ANKRD16: variants seen among roughly 807,000 people sequenced by gnomAD.
The protein encoded by ANKRD16 is ankyrin repeat domain 16, also known as ankyrin repeat domain-containing protein 16.
In ANKRD16, 35 loss-of-function variants were observed where a neutral mutation model predicts 37.9. The observed-to-expected ratio is 0.92, with a 90% CI of 0.71 to 1.23. The LOEUF is 1.23. ANKRD16 is among the 50% of genes most tolerant of loss of function. The pLI, the probability that ANKRD16 is intolerant of heterozygous loss-of-function variation, is 0.00. For synonymous variants in ANKRD16, 206 were observed against 197.2 expected (o/e 1.04, Z -0.37); for missense variants, 480 against 469.9 (o/e 1.02, Z -0.20).
At chr10:5,876,043 C>T (rs917343644) in intron 7 of ANKRD16, among the ~76,000 whole-genome samples, 9 of 152,174 alleles carry the variant, frequency 5.9e-5, no homozygotes, top group South Asian at 4.1e-4. Context: ...GCCACCACGC[C>T]GGGCTAATTG....
chr10:5,876,142 C>A (rs1396571068), intron 7 of ANKRD16, among the ~76,000 whole-genome samples: 1 of 152,164 alleles, frequency 6.6e-6, no homozygotes, highest in Non-Finnish European at 1.5e-5. Flanking sequence ...CCTCAGCCTC[C>A]CAAAGTGTTG....
chr10:5,866,152 G>C lies in ANKRD16; in HGVS notation c.*34-3461C>G, dbSNP rs1038796779. 3.9e-5 allele frequency among the ~76,000 whole-genome samples: 6 copies of C among 152,176 alleles called. No individual in the cohort carries two copies. The highest frequency in any genetic ancestry group is 1.4e-4 in the African/African-American group (6 of 41,444). On this transcript the variant is annotated intron_variant, in intron 7 of 7. Coordinates refer to ENST00000380094, the MANE Select transcript of ANKRD16 (RefSeq NM_019046.3). The surrounding 1 kb of genome is among the most constrained non-coding windows in gnomAD (Gnocchi z 4.3). ...TGGCTATCAGACAACCGCCTACCTA[G>C]ATACCAGGCACTACTCCTTGAGGGA... is the stretch of plus-strand genomic sequence containing the variant.
intron 7 of ANKRD16, among the ~76,000 whole-genome samples, chr10:5,875,986 C>T (rs760603825): frequency 8.5e-5 from 13 of 152,140 alleles, no homozygotes; most frequent in Admixed American, 6.6e-4. Flanking sequence ...GGAGTTAAAG[C>T]GATTCTCCTG....
rs1842024131 is a variant in ANKRD16, at chr10:5,866,940, G to C, written c.*34-4249C>G. On this transcript the variant is annotated intron_variant, in intron 7 of 7. Transcript: ENST00000380094. This position sits in a 1 kb window ranked among gnomAD's most constrained non-coding sequence, Gnocchi z 4.3. ...AGAAACAGAAAGTCAAAGAAAGAGA[G>C]GGAGAGACAAAGAGGGAGTCAGAAG... Among the ~76,000 whole-genome samples, 1 of 151,940 alleles carries C rather than the reference G, an allele frequency of 6.6e-6. No homozygotes were observed. The highest frequency in any genetic ancestry group is 1.5e-5 in the Non-Finnish European group (1 of 67,972).
intron 2 of ANKRD16, 84 bp from the exon 3 acceptor site, chr10:5,885,849 C>T: frequency 7.2e-7 from 1 of 1,388,552 alleles, no homozygotes; most frequent in Non-Finnish European, 9.9e-7. Flanking sequence ...GCTCTCTGCC[C>T]CGTTCTATTA....
chr10:5,885,573 T>C (rs1842409134), intron 3 of ANKRD16, 150 bp downstream of exon 3: 1 of 737,556 alleles, frequency 1.4e-6, no homozygotes, highest in Non-Finnish European at 2.2e-6. Context: ...TTTTGTTTCA[T>C]ATTCTTTATC....
chr10:5,889,710 C>A lies in ANKRD16; in HGVS notation c.-356G>T, dbSNP rs569682714. The A allele has an allele frequency of 2.1e-4, 35 of 166,874 alleles. No individual in the cohort carries two copies. Among genetic ancestry groups the A allele is most frequent in the African/African-American group, 7.8e-4 (33 of 42,116 alleles). 10.3% of individuals were successfully genotyped at this position (166,874 alleles called of 1,614,324 possible). ...GCTGGCGTCCGCCGTCCTGGAGCTG[C>A]AGCGGCCCGTACGTGATTCGGGACT... On this transcript the variant is annotated 5_prime_UTR_variant, in exon 1 of 8. Transcript: ENST00000380094.
chr10:5,883,741 T>C (rs994000515), intron 4 of ANKRD16, among the ~76,000 whole-genome samples: 1 of 152,252 alleles, frequency 6.6e-6, no homozygotes, highest in African/African-American at 2.4e-5. Flanking sequence ...AACTGCTTTA[T>C]GTACATTATA....
At chr10:5,876,819 C>T (rs185340611) in intron 7 of ANKRD16, among the ~76,000 whole-genome samples, 1 of 152,098 alleles carries the variant, frequency 6.6e-6, no homozygotes, top group East Asian at 1.9e-4. Context: ...ATTAAAAAGC[C>T]TGATCTAGAC....
chr10:5,875,150 G>C (rs1842164278), intron 7 of ANKRD16, among the ~76,000 whole-genome samples: 1 of 152,154 alleles, frequency 6.6e-6, no homozygotes, highest in Admixed American at 6.5e-5. Context: ...GTATCAAGTA[G>C]AGACTCTTCA....
At chr10:5,879,664 G>A (rs905492652) in intron 6 of ANKRD16, among the ~76,000 whole-genome samples, 3 of 152,048 alleles carry the variant, frequency 2.0e-5, no homozygotes, top group South Asian at 2.1e-4. Context: ...GAATTGATAC[G>A]ATACCTGGCT....
intron 7 of ANKRD16, among the ~76,000 whole-genome samples, chr10:5,877,104 A>G (rs957567317): frequency 6.6e-5 from 8 of 120,722 alleles, no homozygotes; most frequent in Admixed American, 5.7e-4. Context: ...TATCTTAGTT[A>G]CATTTTCTTT....
At chr10:5,887,123 CT>C (rs1842436454) in intron 2 of ANKRD16, among the ~76,000 whole-genome samples, 2 of 152,170 alleles carry the variant, frequency 1.3e-5, no homozygotes, top group Non-Finnish European at 2.9e-5. Context: ...ACATCATGCT[CT>C]TTAAACTCTA....
chr10:5,882,921 A>T, intron 5 of ANKRD16, 85 bp downstream of exon 5: 5 of 1,473,338 alleles, frequency 3.4e-6, no homozygotes, highest in Non-Finnish European at 4.6e-6. Flanking sequence ...AGATGGGGTC[A>T]AAGAAACCAG....
intron 1 of ANKRD16, 124 bp downstream of exon 1, chr10:5,888,917 G>C: frequency 9.0e-7 from 1 of 1,114,728 alleles, no homozygotes; most frequent in South Asian, 1.8e-5. Flanking sequence ...CCGCTGAGCA[G>C]GCCTGGGGTG....
rs1382555790 is a variant in ANKRD16, at chr10:5,868,730, G to A, written c.*34-6039C>T. Reference sequence around the variant, plus strand: ...AAATCTTGCTGCTACTCACTCTTTGGGCCCACGCCACCCTTAAGAGCTGTA... The same window carrying A: ...AAATCTTGCTGCTACTCACTCTTTGAGCCCACGCCACCCTTAAGAGCTGTA... On this transcript the variant is annotated intron_variant, in intron 7 of 7. Transcript: ENST00000380094. This position sits in a 1 kb window ranked among gnomAD's most constrained non-coding sequence, Gnocchi z 4.9. Among the ~76,000 whole-genome samples the A allele has an allele frequency of 6.6e-6, 1 of 152,112 alleles. No individual in the cohort carries two copies. Among genetic ancestry groups the A allele is most frequent in the Non-Finnish European group, 1.5e-5 (1 of 68,020 alleles).
intron 2 of ANKRD16, among the ~76,000 whole-genome samples, chr10:5,886,545 C>T (rs1039495888): frequency 3.3e-5 from 5 of 152,038 alleles, no homozygotes; most frequent in Non-Finnish European, 5.9e-5. Context: ...GAGCCGAGAT[C>T]GTGCCACTGT....
At position 5,862,767 on chromosome 10, in the gene ANKRD16, G is replaced by T; in HGVS notation, c.*34-76C>A. The stretch of plus-strand genomic sequence containing the variant: ...CAGAGAGGGCAAGCAGCTAGCACAA[G>T]GTCCCACAGCTGGACTCAGGGCTGC... On this transcript the variant is annotated intron_variant, in intron 7 of 7. Coordinates refer to ENST00000380094, the MANE Select transcript of ANKRD16 (RefSeq NM_019046.3). The surrounding 1 kb of genome is among the most constrained non-coding windows in gnomAD (Gnocchi z 6.5). The T allele has an allele frequency of 9.4e-7, 1 of 1,063,016 alleles. No homozygotes were observed. Among genetic ancestry groups the T allele is most frequent in the Non-Finnish European group, 1.3e-6 (1 of 782,622 alleles). 65.8% of individuals were successfully genotyped at this position (1,063,016 alleles called of 1,614,324 possible). A position where few individuals can be genotyped will look rare whatever the true frequency, so the allele number is the denominator to read the frequency against.
rs115828698 is a variant in ANKRD16, at chr10:5,875,548, G to A, written c.*33+2549C>T. On this transcript the variant is annotated intron_variant, in intron 7 of 7. Coordinates refer to ENST00000380094, the MANE Select transcript of ANKRD16 (RefSeq NM_019046.3). ...GGCCTGGGCAGGCCTCGCTGAGAAG[G>A]TGGCTTGTAGGTAAAGACCCAAAGG... Among the ~76,000 whole-genome samples, 528 of 152,286 alleles carry A rather than the reference G, an allele frequency of 3.5e-3. 3 individuals carry two copies. The highest frequency in any genetic ancestry group is 0.011 in the African/African-American group (454 of 41,542).
Sources: allele counts gnomAD v4.1 joint callset (sites outside exome capture counted in the v4.1 genomes callset), GRCh38; gene constraint gnomAD v4.1.1; non-coding constraint Gnocchi (gnomAD v3.1); transcripts MANE v1.5; gene names NCBI Gene and HGNC (gene_info 2026-07-23, HGNC 2026-07-21).